Variants in THSD4 observed in about 807,000 individuals in gnomAD.
THSD4 encodes the protein thrombospondin type 1 domain containing 4.
THSD4 carries 69 observed loss-of-function variants against 119.0 expected under a neutral mutation model. The ratio of observed to expected loss-of-function variants is 0.58; its 90% CI spans 0.48 to 0.71. The LOEUF (loss-of-function observed/expected upper bound fraction) is 0.71, where lower values mean the gene tolerates loss of function less well. Among genes scored for constraint, THSD4 ranks in the 30% least tolerant of loss-of-function variants. The probability of loss-of-function intolerance (pLI) is 0.00; values close to 1 mark genes in which losing one functional copy is unlikely to be tolerated. For synonymous variants in THSD4, 524 were observed against 540.4 expected, an observed-to-expected ratio of 0.97 and a Z score of 0.42; for missense variants, 1,393 against 1,391.1, an observed-to-expected ratio of 1.00 and a Z score of -0.02.
chr15:71,745,155 G>A lies in THSD4; in HGVS notation c.1956G>A (p.Glu652=), dbSNP rs773798111. 1.9e-6 allele frequency: 3 copies of A among 1,612,562 alleles called. No homozygotes were observed. Among genetic ancestry groups the A allele is most frequent in the East Asian group, 4.5e-5 (2 of 44,898 alleles). ...FRCVHRSTHE[E]APESYCDSSM... ...GTGTGCACAGAAGCACTCATGAAGA[G>A]GCTCCTGAGAGTTACTGTGACTCCA... is the stretch of plus-strand genomic sequence containing the variant. The change falls in exon 12 of 18, where the codon GAG becomes GAA. Residue 652 remains glutamate, a synonymous_variant. Coordinates refer to ENST00000261862, the MANE Select transcript of THSD4 (RefSeq NM_024817.3).
At chr15:71,232,282 C>A (rs1003242520) in intron 4 of THSD4, among the ~76,000 whole-genome samples, 11 of 152,108 alleles carry the variant, frequency 7.2e-5, no homozygotes, top group Non-Finnish European at 1.3e-4. Context: ...ATGAATTAAT[C>A]CAAAGCAGTA....
intron 7 of THSD4, among the ~76,000 whole-genome samples, chr15:71,513,372 T>G (rs2048310781): frequency 6.6e-6 from 1 of 152,200 alleles, no homozygotes; most frequent in Admixed American, 6.5e-5. Context: ...AAAACCACTT[T>G]ATATGTCAAA....
At chr15:71,401,137 C>G (rs2046526745) in intron 6 of THSD4, among the ~76,000 whole-genome samples, 1 of 152,160 alleles carries the variant, frequency 6.6e-6, no homozygotes, top group Admixed American at 6.5e-5. Flanking sequence ...CAAACCTATG[C>G]AGTAGCAAAG....
intron 7 of THSD4, among the ~76,000 whole-genome samples, chr15:71,514,128 G>A (rs771218735): frequency 6.6e-6 from 1 of 152,150 alleles, no homozygotes; most frequent in Non-Finnish European, 1.5e-5. Flanking sequence ...GGGCCCCACT[G>A]GCTACATCAC....
chr15:71,615,286 A>G (rs1478985891), intron 7 of THSD4, among the ~76,000 whole-genome samples: 1 of 152,212 alleles, frequency 6.6e-6, no homozygotes, highest in Admixed American at 6.5e-5. Flanking sequence ...CCCTGGTCAG[A>G]GACTCCAAAG....
intron 15 of THSD4, among the ~76,000 whole-genome samples, chr15:71,759,891 G>A (rs951626262): frequency 3.9e-5 from 6 of 152,108 alleles, no homozygotes; most frequent in Non-Finnish European, 7.4e-5. Flanking sequence ...TTGCCCTGTT[G>A]TCCAAAAGGG....
At chr15:71,340,248 A>G (rs558805461) in intron 6 of THSD4, among the ~76,000 whole-genome samples, 40 of 152,194 alleles carry the variant, frequency 2.6e-4, no homozygotes, top group Non-Finnish European at 5.0e-4. Flanking sequence ...TTGGCTTCAC[A>G]TCTTGCCAGG....
rs538051523 is a variant in THSD4, at chr15:71,247,073, T to C, written c.912+3977T>C. Among the ~76,000 whole-genome samples, 24 of 152,118 alleles carry C rather than the reference T, an allele frequency of 1.6e-4. No individual in the cohort carries two copies. The South Asian group carries it at 5.0e-3, about 32-fold the overall frequency. ...ACACCATACCTGGCTAATTTTTGTA[T>C]TTTTAGTAGAGATGGGGTTTTACCA... On this transcript the variant is annotated intron_variant, in intron 5 of 17. Coordinates refer to ENST00000261862, the MANE Select transcript of THSD4 (RefSeq NM_024817.3).
In THSD4 at chr15:71,508,720, T is replaced by C. The variant is rs769852268; in HGVS notation, c.1152+96897T>C. Among the ~76,000 whole-genome samples the C allele has an allele frequency of 1.2e-4, 18 of 152,294 alleles. No individual in the cohort carries two copies. The East Asian group carries it at 3.5e-3, about 29-fold the overall frequency. ...AGAATTTGTAAAACACAGAAAACTA[T>C]CATGTATATGTAGTGTATTTTTAGG... is the stretch of plus-strand genomic sequence containing the variant. On this transcript the variant is annotated intron_variant, in intron 7 of 17. Transcript: ENST00000261862.
chr15:71,627,961 C>T (rs926736298), intron 7 of THSD4, among the ~76,000 whole-genome samples: 30 of 152,186 alleles, frequency 2.0e-4, no homozygotes, highest in Non-Finnish European at 4.0e-4. Flanking sequence ...GATAAACGTT[C>T]GCTGGGCCCT....
chr15:71,208,755 A>T (rs530896950), intron 3 of THSD4, among the ~76,000 whole-genome samples: 19 of 151,846 alleles, frequency 1.3e-4, no homozygotes, highest in Non-Finnish European at 2.8e-4. Flanking sequence ...CAAATTATCC[A>T]CCCACCTCAG....
intron 6 of THSD4, among the ~76,000 whole-genome samples, chr15:71,331,812 G>GCCCCCCCC (rs919713012): frequency 6.7e-6 from 1 of 148,278 alleles, no homozygotes; most frequent in African/African-American, 2.6e-5. Flanking sequence ...TGCATTCCTT[G>GCCCCCCCC]CCCCCCCCTC....
intron 7 of THSD4, among the ~76,000 whole-genome samples, chr15:71,541,609 C>T (rs2048761101): frequency 6.6e-6 from 1 of 152,202 alleles, no homozygotes; most frequent in African/African-American, 2.4e-5. Context: ...TGTTTCATAT[C>T]ATTACATAGG....
At chr15:71,576,398 C>T (rs963554791) in intron 7 of THSD4, among the ~76,000 whole-genome samples, 3 of 152,082 alleles carry the variant, frequency 2.0e-5, no homozygotes, top group African/African-American at 4.8e-5. Flanking sequence ...TCCTTCCTCC[C>T]CTCTCACTGG....
chr15:71,215,058 G>A lies in THSD4; in HGVS notation c.123G>A (p.Glu41=). ...AGGTCCCGCAGCGGATGGCGGCGGA[G>A]GGCGCCCCCGAGGACGACGGCGGCG... is the stretch of plus-strand genomic sequence containing the variant. ...HRKVPQRMAA[E]GAPEDDGGGG... The change falls in exon 4 of 18, where the codon GAG becomes GAA. Residue 41 remains glutamate, a synonymous_variant. Coordinates refer to ENST00000261862, the MANE Select transcript of THSD4 (RefSeq NM_024817.3). 1.5e-6 allele frequency: 2 copies of A among 1,293,364 alleles called. No homozygotes were observed. Among genetic ancestry groups the A allele is most frequent in the South Asian group, 2.6e-5 (1 of 38,596 alleles). The allele number at this position is 1,293,364 out of a possible 1,614,324, so 80.1% of individuals were successfully genotyped here.
At chr15:71,125,826 C>T (rs913658413) in intron 1 of THSD4, among the ~76,000 whole-genome samples, 2 of 152,224 alleles carry the variant, frequency 1.3e-5, no homozygotes, top group Non-Finnish European at 2.9e-5. Flanking sequence ...GTTCTTGGCT[C>T]GGGAACATGT....
intron 7 of THSD4, among the ~76,000 whole-genome samples, chr15:71,479,005 C>G (rs1206243106): frequency 6.6e-6 from 1 of 152,116 alleles, no homozygotes; most frequent in Non-Finnish European, 1.5e-5. Flanking sequence ...ATCCTTAACA[C>G]CAGAGAGCTG....
intron 6 of THSD4, among the ~76,000 whole-genome samples, chr15:71,302,215 C>T (rs1305856518): frequency 6.6e-6 from 1 of 152,154 alleles, no homozygotes; most frequent in Non-Finnish European, 1.5e-5. Flanking sequence ...TGGGGCTAGA[C>T]AGACAGCTTC....
rs185826739 is a variant in THSD4 at position 71,403,043 on chromosome 15, C to T, written c.1016-8644C>T. On this transcript the variant is annotated intron_variant, in intron 6 of 17. Transcript: ENST00000261862. ...AATGTATTGGGTATTCTACGCATTT[C>T]GTCTTGAAGAATTCTCTCCTGGAAC... Among the ~76,000 whole-genome samples the T allele has an allele frequency of 5.2e-3, 794 of 152,276 alleles. 2 individuals carry two copies. Among genetic ancestry groups the T allele is most frequent in the Non-Finnish European group, 8.6e-3 (583 of 68,022 alleles).
Sources: gnomAD v4.1 joint callset for allele counts (sites outside exome capture counted in the v4.1 genomes callset) on GRCh38, gnomAD v4.1.1 for gene constraint, MANE v1.5 for transcripts, NCBI Gene and HGNC (gene_info 2026-07-23, HGNC 2026-07-21) for gene names.